CMSS1: variants seen among roughly 807,000 people sequenced by gnomAD.
CMSS1 encodes the protein cms1 ribosomal small subunit homolog.
In CMSS1, 33 loss-of-function variants were observed where a neutral mutation model predicts 43.5. That is an observed-to-expected ratio of 0.76 (90% CI 0.57 to 1.01). The LOEUF is 1.01. CMSS1 is among the 50% of genes least tolerant of loss of function. CMSS1 has a pLI of 0.00. For missense variants in CMSS1, 313 were observed against 326.4 expected, an observed-to-expected ratio of 0.96 and a Z score of 0.32; for synonymous variants, 115 against 117.2, an observed-to-expected ratio of 0.98 and a Z score of 0.12.
At chr3:99,881,128 C>T (rs941842018) in intron 1 of CMSS1, among the ~76,000 whole-genome samples, 35 of 152,056 alleles carry the variant, frequency 2.3e-4, no homozygotes, top group Non-Finnish European at 3.4e-4. Flanking sequence ...AGACTTCCTA[C>T]CCTTGGTTTA....
chr3:99,966,646 A>G (rs1708662118), intron 1 of CMSS1, among the ~76,000 whole-genome samples: 1 of 152,252 alleles, frequency 6.6e-6, no homozygotes, highest in African/African-American at 2.4e-5. Context: ...TGCCACATTT[A>G]CATGGCATTT....
At position 100,015,709 on chromosome 3, in the gene CMSS1, G is replaced by A. The variant is rs116743492; in HGVS notation, c.65-131264G>A. Among the ~76,000 whole-genome samples the A allele has an allele frequency of 4.4e-3, 663 of 152,236 alleles. 7 individuals are homozygous for A. Among genetic ancestry groups the A allele is most frequent in the African/African-American group, 0.016 (649 of 41,524 alleles). On this transcript the variant is annotated intron_variant, in intron 1 of 9. Transcript: ENST00000421999. ...TTTTCTGTGCTTCAGTGTCTTCATC[G>A]TTTTTGCTTTCATCAAGCTGTAAGT... is the stretch of plus-strand genomic sequence containing the variant.
At chr3:99,956,621 A>G (rs1708327189) in intron 1 of CMSS1, among the ~76,000 whole-genome samples, 1 of 152,220 alleles carries the variant, frequency 6.6e-6, no homozygotes, top group African/African-American at 2.4e-5. Context: ...TGCTGGGATT[A>G]AAGGCGTGAG....
At chr3:100,141,583 G>A (rs1291640779) in intron 1 of CMSS1, 2 of 455,760 alleles carry the variant, frequency 4.4e-6, no homozygotes, top group Non-Finnish European at 4.4e-6. Context: ...GAAAACCTAA[G>A]GAAAATGATG....
chr3:100,123,863 A>G lies in CMSS1; in HGVS notation c.65-23110A>G, dbSNP rs114625942. 1.5e-3 allele frequency among the ~76,000 whole-genome samples: 233 copies of G among 152,324 alleles called. 1 individual carries two copies. Among genetic ancestry groups the G allele is most frequent in the Non-Finnish European group, 2.2e-3 (150 of 68,038 alleles). On this transcript the variant is annotated intron_variant, in intron 1 of 9. Transcript: ENST00000421999. Reference sequence around the variant, plus strand: ...TTGCAGGTTGGTTAAATTCATGCCAACTTCCCAGTGTTCTTCACCTTTGTT... The same window carrying G: ...TTGCAGGTTGGTTAAATTCATGCCAGCTTCCCAGTGTTCTTCACCTTTGTT...
chr3:100,021,952 TGTGTGTGTGA>T (rs57798285), intron 1 of CMSS1, among the ~76,000 whole-genome samples: 1,120 of 111,202 alleles, frequency 0.01, 5 homozygotes, highest in East Asian at 0.031. Flanking sequence ...TGTGTGTGTG[TGTGTGTGTGA>T]GAGAGAGAGA....
At chr3:99,933,876 T>G (rs1307091154) in intron 1 of CMSS1, among the ~76,000 whole-genome samples, 1 of 152,244 alleles carries the variant, frequency 6.6e-6, no homozygotes, top group Non-Finnish European at 1.5e-5. Flanking sequence ...CTCAGGTACA[T>G]GTTAGTGTTT....
intron 1 of CMSS1, among the ~76,000 whole-genome samples, chr3:99,976,695 T>C (rs192890231): frequency 3.0e-4 from 45 of 152,346 alleles, no homozygotes; most frequent in African/African-American, 9.9e-4. Context: ...TTTTCAGTAG[T>C]TTCAATATGA....
At chr3:99,969,961 A>G (rs1708766402) in intron 1 of CMSS1, among the ~76,000 whole-genome samples, 1 of 152,258 alleles carries the variant, frequency 6.6e-6, no homozygotes, top group South Asian at 2.1e-4. Context: ...AATTCAACAA[A>G]TGAGGCTGTT....
chr3:100,140,833 A>G (rs1202172992), intron 1 of CMSS1, among the ~76,000 whole-genome samples: 4 of 152,104 alleles, frequency 2.6e-5, no homozygotes, highest in Non-Finnish European at 5.9e-5. Context: ...ATTGGATATG[A>G]AAGAAGTTAT....
chr3:100,046,052 G>A (rs1368218022), intron 1 of CMSS1, among the ~76,000 whole-genome samples: 3 of 152,194 alleles, frequency 2.0e-5, no homozygotes, highest in Non-Finnish European at 4.4e-5. Flanking sequence ...TTTAAGGAAA[G>A]GGTATGGAGA....
intron 1 of CMSS1, among the ~76,000 whole-genome samples, chr3:99,912,674 G>C (rs1467896210): frequency 1.3e-5 from 2 of 152,152 alleles, no homozygotes; most frequent in Non-Finnish European, 1.5e-5. Flanking sequence ...CACCGCACCT[G>C]GCCCACAGAG....
chr3:99,983,549 G>C (rs1458381275), intron 1 of CMSS1, among the ~76,000 whole-genome samples: 1 of 139,978 alleles, frequency 7.1e-6, no homozygotes, highest in Non-Finnish European at 1.5e-5. Context: ...AATTAGCCAG[G>C]TGTGGTGGCA....
At chr3:99,991,860 G>GTGTATATATATACACACATATATGT in intron 1 of CMSS1, among the ~76,000 whole-genome samples, 1 of 131,528 alleles carries the variant, frequency 7.6e-6, no homozygotes, top group Non-Finnish European at 1.7e-5. Context: ...GTGTGTGTAT[G>GTGTATATATATACACACATATATGT]TGTATATATA....
Position 100,117,175 on chromosome 3 carries a change from A to T in CMSS1, c.65-29798A>T, listed in dbSNP as rs577553248. Among the ~76,000 whole-genome samples the T allele has an allele frequency of 1.2e-3, 188 of 152,268 alleles. 1 individual carries two copies. The Middle Eastern group carries it at 0.014, about 11-fold the overall frequency. ...CCCTTGTGAACCTATAATCTAGTGG[A>T]TTATTTTTATTATAGTTGCTATTTA... On this transcript the variant is annotated intron_variant, in intron 1 of 9. Coordinates refer to ENST00000421999, the MANE Select transcript of CMSS1 (RefSeq NM_032359.4).
chr3:100,109,708 T>C (rs988403617), intron 1 of CMSS1, among the ~76,000 whole-genome samples: 1 of 152,184 alleles, frequency 6.6e-6, no homozygotes, highest in Non-Finnish European at 1.5e-5. Flanking sequence ...GTTTGATTAT[T>C]CATTTACCAA....
rs143009842 is a variant in CMSS1, at chr3:100,017,869, A to G, written c.65-129104A>G. Among the ~76,000 whole-genome samples, 97 of 152,314 alleles carry G rather than the reference A, an allele frequency of 6.4e-4. 1 individual carries two copies. The East Asian group carries it at 0.018, about 28-fold the overall frequency. On this transcript the variant is annotated intron_variant, in intron 1 of 9. Transcript: ENST00000421999. ...CTCTACCATCAGCTTTCTATTTCTC[A>G]GGCCCATAACTACATCGCCAGTTTT...
At chr3:100,099,241 G>A (rs1193043379) in intron 1 of CMSS1, among the ~76,000 whole-genome samples, 1 of 152,076 alleles carries the variant, frequency 6.6e-6, no homozygotes, top group Non-Finnish European at 1.5e-5. Context: ...ATCTTAGTAC[G>A]CACACTAGGA....
intron 1 of CMSS1, among the ~76,000 whole-genome samples, chr3:99,997,032 G>A (rs559370643): frequency 2.2e-4 from 33 of 152,236 alleles, no homozygotes; most frequent in Middle Eastern, 3.4e-3. Flanking sequence ...CATTAAATGC[G>A]TACATCAATA....
Sources: allele counts gnomAD v4.1 joint callset (sites outside exome capture counted in the v4.1 genomes callset), GRCh38; gene constraint gnomAD v4.1.1; transcripts MANE v1.5; gene names NCBI Gene and HGNC (gene_info 2026-07-23, HGNC 2026-07-21).